NRXN1: variants seen among roughly 807,000 people sequenced by gnomAD.
NRXN1 encodes neurexin-1.
Under a neutral mutation model 150.9 loss-of-function variants are expected in NRXN1, and 39 were observed. The observed-to-expected ratio is 0.26, with a 90% confidence interval of 0.20 to 0.34. NRXN1 has a LOEUF of 0.34. Among genes scored for constraint, NRXN1 ranks in the 10% least tolerant of loss-of-function variants. The pLI, the probability that NRXN1 is intolerant of heterozygous loss-of-function variation, is 1.00. For synonymous variants in NRXN1, 924 were observed against 757.0 expected (o/e 1.22, Z -3.62); for missense variants, 1,815 against 1,949.9 (o/e 0.93, Z 1.30).
intron 18 of NRXN1, among the ~76,000 whole-genome samples, chr2:50,097,054 G>T (rs964686917): frequency 2.6e-5 from 4 of 152,146 alleles, no homozygotes; most frequent in Non-Finnish European, 4.4e-5. Context: ...TCTACATGTG[G>T]CATACAGACA....
chr2:50,483,485 A>G (rs908353402), intron 15 of NRXN1, among the ~76,000 whole-genome samples: 3 of 152,152 alleles, frequency 2.0e-5, no homozygotes, highest in Admixed American at 1.3e-4. Context: ...CACAAGGTTC[A>G]AGAACCCTCT....
intron 18 of NRXN1, among the ~76,000 whole-genome samples, chr2:50,201,579 T>C (rs1235462857): frequency 6.6e-6 from 1 of 152,242 alleles, no homozygotes; most frequent in Non-Finnish European, 1.5e-5. Flanking sequence ...GAGTTCATAG[T>C]AGATATTCCA....
chr2:50,919,991 G>C (rs1017088933), intron 5 of NRXN1: 12 of 401,760 alleles, frequency 3.0e-5, no homozygotes, highest in South Asian at 1.5e-4. Context: ...CTAGAATATA[G>C]ATTTGTTGAA....
intron 5 of NRXN1, among the ~76,000 whole-genome samples, chr2:50,705,421 T>G (rs958186311): frequency 2.0e-5 from 3 of 152,156 alleles, no homozygotes; most frequent in Admixed American, 6.6e-5. Context: ...AGAAGTTAAA[T>G]GTGATAATCC....
chr2:50,097,223 C>T (rs1422671070), intron 18 of NRXN1, among the ~76,000 whole-genome samples: 1 of 152,158 alleles, frequency 6.6e-6, no homozygotes, highest in Non-Finnish European at 1.5e-5. Context: ...AAGGACCAAA[C>T]ATTGTGAGCA....
chr2:50,305,432 A>G (rs1270413362), intron 17 of NRXN1, among the ~76,000 whole-genome samples: 1 of 152,234 alleles, frequency 6.6e-6, no homozygotes, highest in Non-Finnish European at 1.5e-5. Context: ...TGTAATTCCA[A>G]TGATGATCCA....
At chr2:50,502,006 T>C (rs543699605) in intron 13 of NRXN1, among the ~76,000 whole-genome samples, 178 of 152,336 alleles carry the variant, frequency 1.2e-3, no homozygotes, top group Non-Finnish European at 2.2e-3. Context: ...TAAAATTTAA[T>C]AAGAAACTCC....
At chr2:50,854,662 C>T (rs2105994619) in intron 5 of NRXN1, among the ~76,000 whole-genome samples, 1 of 152,166 alleles carries the variant, frequency 6.6e-6, no homozygotes, top group East Asian at 1.9e-4. Context: ...TTTCTGACTA[C>T]TATTCAAATC....
chr2:50,708,225 G>T (rs1224192802), intron 5 of NRXN1, among the ~76,000 whole-genome samples: 1 of 152,144 alleles, frequency 6.6e-6, no homozygotes, highest in Non-Finnish European at 1.5e-5. Context: ...CCTGATCTAG[G>T]TTCTTCAGGC....
At chr2:50,445,041 C>A (rs2086280046) in intron 17 of NRXN1, among the ~76,000 whole-genome samples, 1 of 152,134 alleles carries the variant, frequency 6.6e-6, no homozygotes, top group South Asian at 2.1e-4. Flanking sequence ...GTGCCCGTAA[C>A]TTGTTCCTGC....
chr2:49,969,128 T>C (rs1423361602), intron 21 of NRXN1, among the ~76,000 whole-genome samples: 1 of 152,152 alleles, frequency 6.6e-6, no homozygotes, highest in Non-Finnish European at 1.5e-5. Flanking sequence ...GCCAAATTTT[T>C]GGCTTGCTAT....
At chr2:50,793,566 TAACAGAA>T (rs1706370409) in intron 5 of NRXN1, among the ~76,000 whole-genome samples, 1 of 152,076 alleles carries the variant, frequency 6.6e-6, no homozygotes, top group African/African-American at 2.4e-5. Context: ...TCATGGGAAT[TAACAGAA>T]AATCCTCCCA....
At chr2:50,026,947 T>A (rs1688425845) in intron 21 of NRXN1, among the ~76,000 whole-genome samples, 1 of 141,144 alleles carries the variant, frequency 7.1e-6, no homozygotes, top group Non-Finnish European at 1.5e-5. Context: ...AGTGGCGTGA[T>A]CTTGATTCAC....
chr2:49,950,430 T>A (rs1673719854), intron 21 of NRXN1, among the ~76,000 whole-genome samples: 1 of 151,862 alleles, frequency 6.6e-6, no homozygotes, highest in African/African-American at 2.4e-5. Flanking sequence ...AGCACATGAA[T>A]AAGAAAGACA....
At chr2:49,962,951 CTAAATAAATAAA>C (rs113862669) in intron 21 of NRXN1, among the ~76,000 whole-genome samples, 5 of 148,404 alleles carry the variant, frequency 3.4e-5, no homozygotes, top group Non-Finnish European at 7.4e-5. Context: ...GAGCCTGCCT[CTAAATAAATAAA>C]TAAATAAATA....
At chr2:50,882,511 T>G (rs183414919) in intron 5 of NRXN1, among the ~76,000 whole-genome samples, 2 of 151,988 alleles carry the variant, frequency 1.3e-5, no homozygotes, top group Non-Finnish European at 2.9e-5. Flanking sequence ...AAACCATGTT[T>G]ATCAGGCTTC....
At chr2:50,348,250 T>C (rs2078189051) in intron 17 of NRXN1, among the ~76,000 whole-genome samples, 1 of 152,106 alleles carries the variant, frequency 6.6e-6, no homozygotes, top group Non-Finnish European at 1.5e-5. Context: ...TACCATATTA[T>C]ATCTCATATA....
intron 17 of NRXN1, among the ~76,000 whole-genome samples, chr2:50,435,189 A>G (rs949440426): frequency 6.6e-6 from 1 of 152,204 alleles, no homozygotes; most frequent in Non-Finnish European, 1.5e-5. Context: ...AAGATTCTGC[A>G]GAAATGGGTT....
intron 5 of NRXN1, among the ~76,000 whole-genome samples, chr2:50,877,823 T>C (rs1207766386): frequency 6.6e-6 from 1 of 151,916 alleles, no homozygotes; most frequent in Admixed American, 6.6e-5. Context: ...AAAGCCATGC[T>C]CTGTGGGAAG....
Sources: gnomAD v4.1 joint callset for allele counts (sites outside exome capture counted in the v4.1 genomes callset) on GRCh38, gnomAD v4.1.1 for gene constraint, MANE v1.5 for transcripts, NCBI Gene and HGNC (gene_info 2026-07-23, HGNC 2026-07-21) for gene names.